CCDC50: variants seen among roughly 807,000 people sequenced by gnomAD.
CCDC50 encodes the protein coiled-coil domain containing 50.
In CCDC50, 54 loss-of-function variants were observed where a neutral mutation model predicts 70.2. That is an observed-to-expected ratio of 0.77 (90% CI 0.62 to 0.96). The LOEUF (loss-of-function observed/expected upper bound fraction) is 0.96, where lower values mean the gene tolerates loss of function less well. Ranked by LOEUF, CCDC50 falls within the 50% of genes least tolerant of loss-of-function variation. The pLI is 0.00. For missense variants in CCDC50, 558 were observed against 578.7 expected, an observed-to-expected ratio of 0.96 and a Z score of 0.37; for synonymous variants, 216 against 198.8, an observed-to-expected ratio of 1.09 and a Z score of -0.73.
chr3:191,350,413 A>G (rs1203655441), intron 1 of CCDC50, among the ~76,000 whole-genome samples: 3 of 142,512 alleles, frequency 2.1e-5, no homozygotes, highest in East Asian at 3.9e-4. Context: ...CTACCATTCT[A>G]TAAAAGGGAA....
rs1717874177 is a variant in CCDC50 at position 191,329,593 on chromosome 3, G to A, written c.-82G>A. On this transcript the variant is annotated 5_prime_UTR_variant, in exon 1 of 12. Coordinates refer to ENST00000392455, the MANE Select transcript of CCDC50 (RefSeq NM_178335.3). ...CGGACTTTGCGCCGCGTCCGGCGCT[G>A]CTGCTGCGCTCGGGGCCCCGCTCGG... 4 of 1,468,678 alleles carry A rather than the reference G, an allele frequency of 2.7e-6. No homozygotes were observed. The African/African-American group carries it at 5.7e-5, about 21-fold the overall frequency. 91.0% of individuals were successfully genotyped at this position (1,468,678 alleles called of 1,614,324 possible).
At chr3:191,364,417 AGAG>A (rs1712608562) in intron 4 of CCDC50, among the ~76,000 whole-genome samples, 1 of 149,672 alleles carries the variant, frequency 6.7e-6, no homozygotes, top group African/African-American at 2.5e-5. Context: ...GCTTCCCTGT[AGAG>A]TCTACTTGGT....
At chr3:191,364,860 ACT>A (rs994889864) in intron 4 of CCDC50, among the ~76,000 whole-genome samples, 2 of 150,564 alleles carry the variant, frequency 1.3e-5, no homozygotes, top group African/African-American at 4.9e-5. Flanking sequence ...TTGCTCTCTC[ACT>A]CTGTCTTGCT....
At chr3:191,331,651 A>T (rs1717989121) in intron 1 of CCDC50, among the ~76,000 whole-genome samples, 1 of 152,220 alleles carries the variant, frequency 6.6e-6, no homozygotes, top group Admixed American at 6.5e-5. Context: ...TAGTTCCAAG[A>T]TCATCAAAGG....
chr3:191,375,105 C>T lies in CCDC50; in HGVS notation c.492C>T (p.Phe164=). 1 of 1,613,576 alleles carries T rather than the reference C, an allele frequency of 6.2e-7. No individual in the cohort carries two copies. The highest frequency in any genetic ancestry group is 2.2e-5 in the East Asian group (1 of 44,880). The change falls in exon 6 of 12, where the codon TTC becomes TTT. Residue 164 remains phenylalanine, a synonymous_variant. Coordinates refer to ENST00000392455, the MANE Select transcript of CCDC50 (RefSeq NM_178335.3). ...SRRARELGSG[F]SRPCRLQRDG... Reference sequence around the variant, plus strand: ...GGGCCAGGGAATTGGGTTCTGGATTCTCAAGACCTTGTAGACTCCAAAGAG... The same window carrying T: ...GGGCCAGGGAATTGGGTTCTGGATTTTCAAGACCTTGTAGACTCCAAAGAG...
At chr3:191,331,984 T>C (rs1409548785) in intron 1 of CCDC50, among the ~76,000 whole-genome samples, 1 of 152,226 alleles carries the variant, frequency 6.6e-6, no homozygotes, top group African/African-American at 2.4e-5. Context: ...TCCTCTACTT[T>C]TTAATTTAAA....
intron 4 of CCDC50, among the ~76,000 whole-genome samples, chr3:191,365,153 CTT>C (rs79930291): frequency 1.3e-5 from 2 of 149,244 alleles, no homozygotes; most frequent in East Asian, 2.0e-4. Flanking sequence ...TAAGGAAAAA[CTT>C]TTTTTTTTCC....
In CCDC50 at chr3:191,364,209, C is replaced by T. The variant is rs556677544; in HGVS notation, c.330+3050C>T. On this transcript the variant is annotated intron_variant, in intron 4 of 11. Transcript: ENST00000392455. The stretch of plus-strand genomic sequence containing the variant: ...TCAGCCTCCTGAGTAGCTGGGACTA[C>T]GGGCGCCTGGCACCACGTCCGGCTC... Among the ~76,000 whole-genome samples the T allele has an allele frequency of 6.6e-5, 10 of 152,024 alleles. No homozygotes were observed. The South Asian group carries it at 1.2e-3, about 19-fold the overall frequency.
rs180857942 is a variant in CCDC50 at position 191,378,008 on chromosome 3, T to A, written c.977-2151T>A. The stretch of plus-strand genomic sequence containing the variant: ...TCTTTGTTTAATGACGGCCTTACAC[T>A]GCACTGTGAGTTCTTTTTCTATATC... On this transcript the variant is annotated intron_variant, in intron 6 of 11. Transcript: ENST00000392455. Among the ~76,000 whole-genome samples, 466 of 152,266 alleles carry A rather than the reference T, an allele frequency of 3.1e-3. 4 individuals carry two copies. The highest frequency in any genetic ancestry group is 0.011 in the African/African-American group (449 of 41,564).
intron 1 of CCDC50, among the ~76,000 whole-genome samples, chr3:191,331,844 CAT>C (rs1343881483): frequency 2.6e-5 from 4 of 152,294 alleles, no homozygotes; most frequent in Admixed American, 6.5e-5. Flanking sequence ...TAGGGTAAAA[CAT>C]GTGCAAACAT....
intron 1 of CCDC50, among the ~76,000 whole-genome samples, chr3:191,331,780 A>G (rs1298962146): frequency 6.6e-6 from 1 of 152,094 alleles, no homozygotes; most frequent in Non-Finnish European, 1.5e-5. Flanking sequence ...TGGCCCAGTT[A>G]CTCCCTAACA....
chr3:191,375,213 G>A lies in CCDC50; in HGVS notation c.600G>A (p.Ser200=), dbSNP rs779067352. The part of the protein sequence containing the change: ...NLEEPEQHCS[S]KRSLSSSSSG... ...AAGAGCCAGAACAACATTGTTCATC[G>A]AAGAGATCCCTGTCATCCTCTAGCT... The change falls in exon 6 of 12, where the codon TCG becomes TCA. Residue 200 remains serine (S), a synonymous_variant. Coordinates refer to ENST00000392455, the MANE Select transcript of CCDC50 (RefSeq NM_178335.3). The A allele has an allele frequency of 1.4e-5, 23 of 1,613,736 alleles. No homozygotes were observed. In the East Asian group the frequency reaches 2.0e-4, roughly 14 times the overall value.
chr3:191,360,171 T>C (rs1712432597), intron 3 of CCDC50, among the ~76,000 whole-genome samples: 1 of 152,256 alleles, frequency 6.6e-6, no homozygotes, highest in Admixed American at 6.5e-5. Flanking sequence ...AAGTCAGGAT[T>C]ACCGCTTGTT....
chr3:191,354,805 C>T (rs58077600), intron 1 of CCDC50, among the ~76,000 whole-genome samples: 11,276 of 152,146 alleles, frequency 0.074, 552 homozygotes, highest in East Asian at 0.24. Flanking sequence ...TACTAAAAAT[C>T]TATGGATACT....
chr3:191,337,235 C>T (rs910262365), intron 1 of CCDC50, among the ~76,000 whole-genome samples: 5 of 151,710 alleles, frequency 3.3e-5, no homozygotes, highest in Non-Finnish European at 5.9e-5. Context: ...GTTATTTAAC[C>T]TTTTTTGGAC....
At position 191,375,287 on chromosome 3, in the gene CCDC50, G is replaced by A; in HGVS notation, c.674G>A (p.Arg225Lys). ...CATATTAACAATGAGCAGCATGAAA[G>A]GAAACGGTCCACTCAGGAGAGGCCT... ...NPHINNEQHE[R>K]KRSTQERPRR... Residue 225 changes from arginine to lysine, a missense_variant, in exon 6 of 12, where the codon AGG (arginine) becomes AAG (lysine). Transcript: ENST00000392455. The A allele has an allele frequency of 6.2e-7, 1 of 1,613,708 alleles. No individual in the cohort carries two copies.
At position 191,350,286 on chromosome 3, in the gene CCDC50, A is replaced by G. The variant is rs112030185; in HGVS notation, c.50-6802A>G. ...CTTGAATATCTTTCTTGTTCATAGT[A>G]GATGTTTTCATGTATACAGAACAAA... is the stretch of plus-strand genomic sequence containing the variant. On this transcript the variant is annotated intron_variant, in intron 1 of 11. Coordinates refer to ENST00000392455, the MANE Select transcript of CCDC50 (RefSeq NM_178335.3). 1.1e-3 allele frequency among the ~76,000 whole-genome samples: 158 copies of G among 142,236 alleles called. 11 individuals are homozygous for G. Among genetic ancestry groups the G allele is most frequent in the African/African-American group, 3.5e-3 (142 of 40,030 alleles). The allele number at this position is 142,236 out of a possible 152,430, so 93.3% of individuals were successfully genotyped here.
At chr3:191,337,520 T>C (rs1237502396) in intron 1 of CCDC50, among the ~76,000 whole-genome samples, 1 of 152,102 alleles carries the variant, frequency 6.6e-6, no homozygotes, top group Non-Finnish European at 1.5e-5. Flanking sequence ...AATTTTTGTA[T>C]TTTTAGTAGA....
chr3:191,377,412 G>A (rs1713154438), intron 6 of CCDC50, among the ~76,000 whole-genome samples: 1 of 152,102 alleles, frequency 6.6e-6, no homozygotes, highest in South Asian at 2.1e-4. Context: ...TCAGTTGAAA[G>A]GGACTGCAAA....
Sources: allele counts gnomAD v4.1 joint callset (sites outside exome capture counted in the v4.1 genomes callset), GRCh38; gene constraint gnomAD v4.1.1; transcripts MANE v1.5; gene names NCBI Gene and HGNC (gene_info 2026-07-23, HGNC 2026-07-21).